The following PRPF31 variants were observed in gnomAD, a reference collection of about 807,000 sequenced individuals.
PRPF31 encodes the protein pre-mRNA processing factor 31.
A neutral mutation model predicts 60.4 loss-of-function variants in PRPF31; 12 were observed. That is an observed-to-expected ratio of 0.20 (90% CI 0.13 to 0.32). The LOEUF (loss-of-function observed/expected upper bound fraction) is 0.32. Ranked by LOEUF, PRPF31 falls within the 10% of genes least tolerant of loss-of-function variation. The pLI is 1.00. For missense variants in PRPF31, 431 were observed against 687.1 expected (o/e 0.63, Z 4.17); for synonymous variants, 287 against 287.9 (o/e 1.00, Z 0.03).
Position 54,129,330 on chromosome 19 carries a change from C to T in PRPF31, c.1334C>T (p.Ser445Phe), listed in dbSNP as rs753499906. 28 of 1,605,106 alleles carry T rather than the reference C, an allele frequency of 1.7e-5. No individual in the cohort carries two copies. Among genetic ancestry groups the T allele is most frequent in the Non-Finnish European group, 2.1e-5 (25 of 1,176,706 alleles). Residue 445 changes from serine to phenylalanine, a missense_variant, in exon 13 of 14, where the codon TCC (serine) becomes TTC (phenylalanine). By Grantham distance (155) the Ser-to-Phe change is radical. Coordinates refer to ENST00000321030, the MANE Select transcript of PRPF31 (RefSeq NM_015629.4). ...GGGAAGTCCACCATCCGCGACCGCT[C>T]CTCGGGCACGGCCTCCAGCGTGGCC... The part of the protein sequence containing the change: ...YGGKSTIRDR[S>F]SGTASSVAFT...
intron 13 of PRPF31, among the ~76,000 whole-genome samples, chr19:54,130,717 G>C (rs587667363): frequency 1.3e-5 from 2 of 151,992 alleles, no homozygotes; most frequent in Non-Finnish European, 2.9e-5. Context: ...GGAGCAGCCA[G>C]GGAGGGCCTC....
rs1449870338 is a variant in PRPF31, at chr19:54,129,283, G to A, written c.1287G>A (p.Gln429=). 13 of 1,611,524 alleles carry A rather than the reference G, an allele frequency of 8.1e-6. No individual in the cohort carries two copies. The highest frequency in any genetic ancestry group is 1.1e-5 in the South Asian group (1 of 90,808). Residue 429 remains glutamine, a synonymous_variant, in exon 13 of 14, where the codon CAG becomes CAA. Coordinates refer to ENST00000321030, the MANE Select transcript of PRPF31 (RefSeq NM_015629.4). ...RISKTLQRTL[Q]KQSVVYGGKS... ...TGTCCTCCCCACAGCGGACCCTGCA[G>A]AAGCAGAGCGTCGTATATGGCGGGA...
At position 54,128,209 on chromosome 19, in the gene PRPF31, C is replaced by A; in HGVS notation, c.1073+9C>A. ...AAGCGAGGCGGCCGCAGGTGAGGGG[C>A]CCTGGGGGTCCGGTAGGCATGGGGG... On this transcript the variant is annotated intron_variant, in intron 10 of 13. Transcript: ENST00000321030. The A allele has an allele frequency of 6.4e-7, 1 of 1,569,910 alleles. No homozygotes were observed. Among genetic ancestry groups the A allele is most frequent in the Admixed American group, 1.9e-5 (1 of 51,886 alleles).
Position 54,129,380 on chromosome 19 carries a change from C to T in PRPF31, c.1374+10C>T. The stretch of plus-strand genomic sequence containing the variant: ...CTTCACCCCACTCCAGGTACCTCCC[C>T]TGGGCCGGCTCTGTCCCCAGCCCTG... On this transcript the variant is annotated intron_variant, in intron 13 of 13. Coordinates refer to ENST00000321030, the MANE Select transcript of PRPF31 (RefSeq NM_015629.4). 6.3e-7 allele frequency: 1 copy of T among 1,583,354 alleles called. No homozygotes were observed. The highest frequency in any genetic ancestry group is 8.6e-7 in the Non-Finnish European group (1 of 1,166,260).
At position 54,131,302 on chromosome 19, in the gene PRPF31, C is replaced by T. The variant is rs773714224; in HGVS notation, c.1375-5C>T. On this transcript the variant is annotated splice_region_variant and splice_polypyrimidine_tract_variant and intron_variant, in intron 13 of 13. Coordinates refer to ENST00000321030, the MANE Select transcript of PRPF31 (RefSeq NM_015629.4). Reference sequence around the variant, plus strand: ...CCCATCATCCTCTCTCCCTCACCTGCCCAGGGCCTGGAGATTGTGAACCCA... The same window carrying T: ...CCCATCATCCTCTCTCCCTCACCTGTCCAGGGCCTGGAGATTGTGAACCCA... 1 of 1,613,838 alleles carries T rather than the reference C, an allele frequency of 6.2e-7. No individual in the cohort carries two copies. Among genetic ancestry groups the T allele is most frequent in the Non-Finnish European group, 8.5e-7 (1 of 1,179,958 alleles).
At chr19:54,122,090 A>G in intron 4 of PRPF31, 147 bp downstream of exon 4, 1 of 872,476 alleles carries the variant, frequency 1.1e-6, no homozygotes, top group Non-Finnish European at 1.8e-6. Flanking sequence ...CTGAAATAAG[A>G]AGGAAGTGCG....
chr19:54,123,574 G>A lies in PRPF31; in HGVS notation c.527+14G>A, dbSNP rs773920709. 8.1e-6 allele frequency: 13 copies of A among 1,613,278 alleles called. No homozygotes were observed. The highest frequency in any genetic ancestry group is 2.2e-5 in the East Asian group (1 of 44,896). On this transcript the variant is annotated intron_variant, in intron 6 of 13. Coordinates refer to ENST00000321030, the MANE Select transcript of PRPF31 (RefSeq NM_015629.4). ...CACCACCCAGGGGTATGTCCGCTTCGAGGGAGGCGCCGGGCCCTAATGGGA... is the reference window on the plus strand; with the variant it reads ...CACCACCCAGGGGTATGTCCGCTTCAAGGGAGGCGCCGGGCCCTAATGGGA...
chr19:54,127,002 C>T (rs2073937713), intron 9 of PRPF31, among the ~76,000 whole-genome samples: 2 of 152,190 alleles, frequency 1.3e-5, no homozygotes, highest in Admixed American at 1.3e-4. Flanking sequence ...CACCTGTAAT[C>T]CCAGTTACTC....
chr19:54,121,928 A>G lies in PRPF31; in HGVS notation c.307A>G (p.Ile103Val). The change falls in exon 4 of 14, where the codon ATC becomes GTC. Residue 103 changes from isoleucine to valine, a missense_variant. Around this residue, in one of 4 missense-constraint regions of PRPF31, gnomAD observed 113 missense variants for 173.8 expected, o/e 0.65. Transcript: ENST00000321030. ...IVDANNLTVE[I>V]ENELNIIHKF... ...GGATGCCAACAACCTGACCGTGGAG[A>G]TCGAAAACGAGCTGAGTGAGTGCTG... 1 of 1,612,310 alleles carries G rather than the reference A, an allele frequency of 6.2e-7. No homozygotes were observed. The highest frequency in any genetic ancestry group is 8.5e-7 in the Non-Finnish European group (1 of 1,179,372).
At chr19:54,128,425 C>T in intron 11 of PRPF31, 48 bp downstream of exon 11, 1 of 1,516,566 alleles carries the variant, frequency 6.6e-7, no homozygotes, top group Non-Finnish European at 8.9e-7. Flanking sequence ...AGCCAGCCGC[C>T]ACCGCCCTCT....
At chr19:54,122,326 G>C (rs2073811872) in intron 4 of PRPF31, 171 bp from the exon 5 acceptor site, 6 of 752,112 alleles carry the variant, frequency 8.0e-6, no homozygotes, top group Non-Finnish European at 1.5e-5. Flanking sequence ...AATTCCCCTG[G>C]TCACACCTAG....
intron 5 of PRPF31, chr19:54,122,799 G>C (rs1600338098): frequency 3.1e-6 from 2 of 651,806 alleles, no homozygotes; most frequent in South Asian, 3.4e-5. Flanking sequence ...TCTCCCGAGA[G>C]GGCTTCCCCG....
chr19:54,129,364 A>G lies in PRPF31; in HGVS notation c.1368A>G (p.Pro456=). ...CGGCCTCCAGCGTGGCCTTCACCCCACTCCAGGTACCTCCCCTGGGCCGGC... is the reference window on the plus strand; with the variant it reads ...CGGCCTCCAGCGTGGCCTTCACCCCGCTCCAGGTACCTCCCCTGGGCCGGC... ...SGTASSVAFT[P]LQGLEIVNPQ... Residue 456 remains proline, a synonymous_variant, in exon 13 of 14, where the codon CCA becomes CCG. Transcript: ENST00000321030. 2 of 1,595,122 alleles carry G rather than the reference A, an allele frequency of 1.3e-6. No individual in the cohort carries two copies. The highest frequency in any genetic ancestry group is 2.3e-5 in the East Asian group (1 of 43,416).
At chr19:54,120,850 GC>G (rs2073768035) in intron 3 of PRPF31, among the ~76,000 whole-genome samples, 1 of 152,022 alleles carries the variant, frequency 6.6e-6, no homozygotes, top group African/African-American at 2.4e-5. Context: ...CTGGGCTCAA[GC>G]AGTTCTCCTG....
intron 9 of PRPF31, 23 bp downstream of exon 9, chr19:54,126,640 C>T (rs899132889): frequency 2.9e-5 from 46 of 1,604,898 alleles, no homozygotes; most frequent in African/African-American, 4.0e-5. Context: ...AGGTGAGGGG[C>T]GGCCGGGCGT....
intron 13 of PRPF31, among the ~76,000 whole-genome samples, chr19:54,129,824 C>T (rs1452427322): frequency 2.0e-5 from 3 of 151,754 alleles, no homozygotes; most frequent in Middle Eastern, 3.4e-3. Context: ...ACCGCATCGT[C>T]GGAGCCTCGG....
In PRPF31 at chr19:54,131,648, C is replaced by T. The variant is rs1253705093; in HGVS notation, c.*216C>T. 1 of 644,142 alleles carries T rather than the reference C, an allele frequency of 1.6e-6. No homozygotes were observed. The highest frequency in any genetic ancestry group is 2.7e-6 in the Non-Finnish European group (1 of 372,448). 39.9% of individuals were successfully genotyped at this position (644,142 alleles called of 1,614,324 possible). ...GGGCTAGAGCAGGTCTTCATCATGC[C>T]TTGTCTTTTTTAACTGAGAAAGGAG... is the stretch of plus-strand genomic sequence containing the variant. On this transcript the variant is annotated 3_prime_UTR_variant, in exon 14 of 14. Transcript: ENST00000321030.
At chr19:54,117,027 C>T (rs184470284) in intron 1 of PRPF31, among the ~76,000 whole-genome samples, 212 of 152,024 alleles carry the variant, frequency 1.4e-3, no homozygotes, top group Non-Finnish European at 2.6e-3. Context: ...CCCAGGTGAT[C>T]GAGGCTGCCG....
intron 3 of PRPF31, chr19:54,119,393 A>C (rs1345396520): frequency 5.3e-5 from 8 of 152,090 alleles, no homozygotes; most frequent in Non-Finnish European, 1.2e-4. Context: ...AAAAAAAAAA[A>C]AATAACCTAA....
Sources: gnomAD v4.1 joint callset for allele counts (sites outside exome capture counted in the v4.1 genomes callset) on GRCh38, gnomAD v4.1.1 for gene constraint, gnomAD v4.1.1 regional missense constraint, MANE v1.5 for transcripts, NCBI Gene and HGNC (gene_info 2026-07-23, HGNC 2026-07-21) for gene names.